Variants in SLC9A9 observed in about 807,000 individuals in gnomAD.
SLC9A9 encodes the protein solute carrier family 9 member A9, also known as sodium/hydrogen exchanger 9.
In SLC9A9, 62 loss-of-function variants were observed where a neutral mutation model predicts 77.8. The ratio of observed to expected loss-of-function variants is 0.80; its 90% CI spans 0.65 to 0.98. The LOEUF (loss-of-function observed/expected upper bound fraction) is 0.98, where lower values mean the gene tolerates loss of function less well. Among genes scored for constraint, SLC9A9 ranks in the 50% least tolerant of loss-of-function variants. The pLI is 0.00. For missense variants in SLC9A9, 775 were observed against 774.9 expected, an observed-to-expected ratio of 1.00 and a Z score of 0.00; for synonymous variants, 320 against 283.5, an observed-to-expected ratio of 1.13 and a Z score of -1.29.
chr3:143,266,995 A>ATTTTTTT, intron 15 of SLC9A9, 66 bp from the exon 16 acceptor site: 1 of 1,233,654 alleles, frequency 8.1e-7, no homozygotes, highest in Non-Finnish European at 1.1e-6. Context: ...CAGTCCTACA[A>ATTTTTTT]TTTTTTTTTT....
chr3:143,723,769 TCACCCCTC>T (rs1449919027), intron 4 of SLC9A9, among the ~76,000 whole-genome samples: 1 of 152,186 alleles, frequency 6.6e-6, no homozygotes, highest in Non-Finnish European at 1.5e-5. Flanking sequence ...AGCACTGCAT[TCACCCCTC>T]CAGGTGTGTT....
rs77557755 is a variant in SLC9A9 at position 143,820,203 on chromosome 3, C to T, written c.378+11816G>A. On this transcript the variant is annotated intron_variant, in intron 2 of 15. Coordinates refer to ENST00000316549, the MANE Select transcript of SLC9A9 (RefSeq NM_173653.4). ...CACAGCTTGTAAGTGGCATTTGATC[C>T]AAGTTATATGGCTCTAGAGATTGGC... Among the ~76,000 whole-genome samples, 1,410 of 152,280 alleles carry T rather than the reference C, an allele frequency of 9.3e-3. 25 individuals are homozygous for T. Among genetic ancestry groups the T allele is most frequent in the African/African-American group, 0.033 (1,363 of 41,548 alleles).
chr3:143,336,439 C>T (rs1041113388), intron 14 of SLC9A9, among the ~76,000 whole-genome samples: 3 of 152,036 alleles, frequency 2.0e-5, no homozygotes, highest in Non-Finnish European at 4.4e-5. Flanking sequence ...ATTTGCACAC[C>T]GGTGTTCACG....
intron 6 of SLC9A9, among the ~76,000 whole-genome samples, chr3:143,592,728 G>A (rs2037672771): frequency 6.6e-6 from 1 of 152,106 alleles, no homozygotes; most frequent in Non-Finnish European, 1.5e-5. Flanking sequence ...GATGTTAACT[G>A]TATTGATTCA....
At chr3:143,740,133 A>G (rs578170527) in intron 4 of SLC9A9, among the ~76,000 whole-genome samples, 18 of 152,336 alleles carry the variant, frequency 1.2e-4, no homozygotes, top group African/African-American at 4.1e-4. Context: ...AGAAGCCGCC[A>G]ACTTGGTGAG....
intron 6 of SLC9A9, among the ~76,000 whole-genome samples, chr3:143,632,719 G>A (rs1288304135): frequency 1.3e-5 from 2 of 152,176 alleles, no homozygotes; most frequent in East Asian, 1.9e-4. Context: ...TTGAGGTTTG[G>A]GTTGCAGCTA....
At chr3:143,716,942 G>T (rs1934368736) in intron 4 of SLC9A9, among the ~76,000 whole-genome samples, 2 of 152,204 alleles carry the variant, frequency 1.3e-5, no homozygotes, top group Admixed American at 1.3e-4. Context: ...GACCAGGGAT[G>T]GGCAAAGGAG....
At chr3:143,659,612 G>A (rs1295457450) in intron 5 of SLC9A9, among the ~76,000 whole-genome samples, 1 of 152,142 alleles carries the variant, frequency 6.6e-6, no homozygotes, top group Admixed American at 6.6e-5. Flanking sequence ...CTGGGCCTGT[G>A]TGAGATACAG....
chr3:143,537,250 T>G (rs1051596795), intron 9 of SLC9A9, among the ~76,000 whole-genome samples: 7 of 152,204 alleles, frequency 4.6e-5, no homozygotes, highest in African/African-American at 1.7e-4. Flanking sequence ...AAATTAGAAA[T>G]CCTGGGCATG....
At chr3:143,692,565 T>A (rs1933503992) in intron 5 of SLC9A9, among the ~76,000 whole-genome samples, 1 of 152,190 alleles carries the variant, frequency 6.6e-6, no homozygotes, top group African/African-American at 2.4e-5. Flanking sequence ...ATTCTCCCTA[T>A]GTCTGATATG....
At chr3:143,427,879 T>A (rs1378949142) in intron 12 of SLC9A9, among the ~76,000 whole-genome samples, 1 of 152,042 alleles carries the variant, frequency 6.6e-6, no homozygotes, top group Non-Finnish European at 1.5e-5. Context: ...AAACTACCCC[T>A]CCCCCATGCA....
chr3:143,824,180 T>G (rs950535687), intron 2 of SLC9A9, among the ~76,000 whole-genome samples: 2 of 152,076 alleles, frequency 1.3e-5, no homozygotes, highest in Non-Finnish European at 2.9e-5. Flanking sequence ...CAAGATGATC[T>G]CTCTCTTCTT....
chr3:143,846,919 A>T (rs1432725457), intron 1 of SLC9A9, among the ~76,000 whole-genome samples: 3 of 152,066 alleles, frequency 2.0e-5, no homozygotes, highest in African/African-American at 7.2e-5. Context: ...CCCCACTCCC[A>T]AGCAAAAAAT....
At chr3:143,394,904 C>T (rs529897546) in intron 12 of SLC9A9, among the ~76,000 whole-genome samples, 12 of 152,234 alleles carry the variant, frequency 7.9e-5, no homozygotes, top group Non-Finnish European at 1.6e-4. Context: ...ATGTGAAGGA[C>T]CTCTTCAAGG....
chr3:143,452,339 G>A (rs2035021504), intron 12 of SLC9A9, among the ~76,000 whole-genome samples: 1 of 151,838 alleles, frequency 6.6e-6, no homozygotes, highest in East Asian at 1.9e-4. Flanking sequence ...TGAATTTCAA[G>A]CCTTGACCTA....
At chr3:143,604,485 G>A (rs1038710822) in intron 6 of SLC9A9, among the ~76,000 whole-genome samples, 8 of 152,206 alleles carry the variant, frequency 5.3e-5, no homozygotes, top group African/African-American at 1.9e-4. Flanking sequence ...GAGAGAAGAT[G>A]ACTCCTGAGT....
intron 12 of SLC9A9, among the ~76,000 whole-genome samples, chr3:143,445,950 C>T (rs1209685740): frequency 1.3e-5 from 2 of 152,082 alleles, no homozygotes; most frequent in Non-Finnish European, 2.9e-5. Context: ...GATGGGGCTA[C>T]AGACTGCTCA....
At chr3:143,631,790 T>C (rs2038426705) in intron 6 of SLC9A9, among the ~76,000 whole-genome samples, 1 of 152,106 alleles carries the variant, frequency 6.6e-6, no homozygotes, top group Admixed American at 6.6e-5. Flanking sequence ...AAACTAGAAA[T>C]CTGGATTTTT....
At chr3:143,393,420 A>T (rs1358143532) in intron 12 of SLC9A9, among the ~76,000 whole-genome samples, 1 of 152,216 alleles carries the variant, frequency 6.6e-6, no homozygotes, top group African/African-American at 2.4e-5. Flanking sequence ...AAGACACAAC[A>T]TACCAGAATC....
Sources: gnomAD v4.1 joint callset for allele counts (sites outside exome capture counted in the v4.1 genomes callset) on GRCh38, gnomAD v4.1.1 for gene constraint, MANE v1.5 for transcripts, NCBI Gene and HGNC (gene_info 2026-07-23, HGNC 2026-07-21) for gene names.